The following ASTN1 variants were observed in gnomAD, a reference collection of about 807,000 sequenced individuals.
ASTN1 encodes the protein astrotactin 1.
ASTN1 carries 41 observed loss-of-function variants against 140.7 expected under a neutral mutation model. That is an observed-to-expected ratio of 0.29 (90% CI 0.23 to 0.38). The LOEUF is 0.38. Ranked by LOEUF, ASTN1 falls within the 10% of genes least tolerant of loss-of-function variation. The pLI is 1.00. For missense variants in ASTN1, 1,479 were observed against 1,678.8 expected (o/e 0.88, Z 2.08); for synonymous variants, 640 against 652.2 (o/e 0.98, Z 0.29).
intron 20 of ASTN1, 23 bp from the exon 21 acceptor site, chr1:176,876,660 G>A: frequency 6.2e-7 from 1 of 1,610,394 alleles, no homozygotes; most frequent in South Asian, 1.1e-5. Flanking sequence ...GGGAGGGCAT[G>A]GTTAGCAGAA....
intron 5 of ASTN1, among the ~76,000 whole-genome samples, chr1:177,027,817 T>C (rs4652220): frequency 0.35 from 53,231 of 150,074 alleles, 10,140 homozygotes; most frequent in Non-Finnish European, 0.42. Flanking sequence ...TCTCCTTTTT[T>C]GCCTCCCATT....
Position 177,032,679 on chromosome 1 carries a change from C to G in ASTN1, c.642G>C (p.Arg214=). The G allele has an allele frequency of 1.2e-6, 2 of 1,614,100 alleles. No homozygotes were observed. Among genetic ancestry groups the G allele is most frequent in the Non-Finnish European group, 1.7e-6 (2 of 1,180,030 alleles). The change falls in exon 3 of 23, where the codon CGG becomes CGC. Residue 214 remains arginine (R), a synonymous_variant. Coordinates refer to ENST00000361833, the MANE Select transcript of ASTN1 (RefSeq NM_004319.3). ...IPSVLIGGHG[R]ESLRNARVQG... ...GCACGCGGGCATTGCGCAGGCTCTC[C>G]CGTCCGTGCCCGCCGATCAGCACAG...
intron 7 of ASTN1, among the ~76,000 whole-genome samples, chr1:177,019,135 G>C (rs1558035161): frequency 6.6e-6 from 1 of 152,192 alleles, no homozygotes; most frequent in East Asian, 1.9e-4. Flanking sequence ...TTCTGAGTCA[G>C]GCAGCCTGAG....
intron 8 of ASTN1, among the ~76,000 whole-genome samples, chr1:176,977,073 G>C (rs1450697680): frequency 6.6e-6 from 1 of 152,170 alleles, no homozygotes; most frequent in Non-Finnish European, 1.5e-5. Context: ...AATAATAAGG[G>C]ACAGGATGTA....
At chr1:177,015,133 T>C (rs1188158600) in intron 7 of ASTN1, among the ~76,000 whole-genome samples, 1 of 152,214 alleles carries the variant, frequency 6.6e-6, no homozygotes, top group Non-Finnish European at 1.5e-5. Context: ...GCATCTATTA[T>C]ATATGTTCTG....
At chr1:177,101,909 C>A (rs907904198) in intron 1 of ASTN1, among the ~76,000 whole-genome samples, 8 of 152,202 alleles carry the variant, frequency 5.3e-5, no homozygotes, top group Non-Finnish European at 1.2e-4. Context: ...ATGTCACATT[C>A]TCATGCAGGA....
Position 177,024,487 on chromosome 1 carries a change from T to C in ASTN1, c.1270+96A>G, listed in dbSNP as rs1450493878. 9 of 1,452,732 alleles carry C rather than the reference T, an allele frequency of 6.2e-6. No individual in the cohort carries two copies. In the South Asian group the frequency reaches 1.1e-4, roughly 17 times the overall value. 90.0% of individuals were successfully genotyped at this position (1,452,732 alleles called of 1,614,324 possible). On this transcript the variant is annotated intron_variant, in intron 6 of 22. Transcript: ENST00000361833. ...GTTTGGTTTTCCCCCGGTAGAGTAA[T>C]AGGTAACAGTGACTCCTGTCTTCTC...
chr1:176,874,728 GT>G (rs1182292848), intron 21 of ASTN1, among the ~76,000 whole-genome samples: 3 of 152,060 alleles, frequency 2.0e-5, no homozygotes, highest in African/African-American at 2.4e-5. Context: ...GCACTGGGTG[GT>G]TTTTTTCTAT....
At chr1:177,075,002 C>A (rs1012796453) in intron 1 of ASTN1, among the ~76,000 whole-genome samples, 2 of 152,100 alleles carry the variant, frequency 1.3e-5, no homozygotes, top group Admixed American at 1.3e-4. Flanking sequence ...CGGGTGGTTA[C>A]AAATTAATTT....
At chr1:176,941,254 A>G (rs746872540) in intron 14 of ASTN1, among the ~76,000 whole-genome samples, 1 of 152,210 alleles carries the variant, frequency 6.6e-6, no homozygotes, top group Non-Finnish European at 1.5e-5. Context: ...AGATTCCTCC[A>G]GTTATTCTCA....
chr1:177,092,023 T>C (rs953817913), intron 1 of ASTN1, among the ~76,000 whole-genome samples: 3 of 152,294 alleles, frequency 2.0e-5, no homozygotes, highest in Non-Finnish European at 4.4e-5. Flanking sequence ...GTACCTAAAA[T>C]AAAATGACTG....
chr1:177,028,739 AG>A (rs1484915004), intron 5 of ASTN1, among the ~76,000 whole-genome samples: 1 of 152,232 alleles, frequency 6.6e-6, no homozygotes, highest in East Asian at 1.9e-4. Flanking sequence ...GGGATTTCAT[AG>A]TGCTTTAGCA....
rs1668029328 is a variant in ASTN1 at position 176,863,392 on chromosome 1, C to T, written c.*892G>A. On this transcript the variant is annotated 3_prime_UTR_variant, in exon 23 of 23. Coordinates refer to ENST00000361833, the MANE Select transcript of ASTN1 (RefSeq NM_004319.3). Reference sequence around the variant, plus strand: ...AGAGGTGTGGGGGTTAAAGATAATCCAGGCACATGGATATATATTGGTAGG... The same window carrying T: ...AGAGGTGTGGGGGTTAAAGATAATCTAGGCACATGGATATATATTGGTAGG... 4 of 985,804 alleles carry T rather than the reference C, an allele frequency of 4.1e-6. No homozygotes were observed. The highest frequency in any genetic ancestry group is 4.8e-6 in the Non-Finnish European group (4 of 829,944). The allele number at this position is 985,804 out of a possible 1,614,324, so 61.1% of individuals were successfully genotyped here. A position where few individuals can be genotyped will look rare whatever the true frequency, so the allele number is the denominator to read the frequency against.
At chr1:177,148,778 T>A (rs1285957662) in intron 1 of ASTN1, among the ~76,000 whole-genome samples, 1 of 151,732 alleles carries the variant, frequency 6.6e-6, no homozygotes, top group Non-Finnish European at 1.5e-5. Flanking sequence ...ACTGAGATGA[T>A]GATAGAAGTT....
At chr1:177,146,824 G>A (rs1682740099) in intron 1 of ASTN1, among the ~76,000 whole-genome samples, 1 of 152,114 alleles carries the variant, frequency 6.6e-6, no homozygotes, top group Non-Finnish European at 1.5e-5. Context: ...CTTGTCAGTT[G>A]TTCTTTCAAG....
chr1:177,080,259 CAAAA>C (rs11300384), intron 1 of ASTN1, among the ~76,000 whole-genome samples: 5 of 48,410 alleles, frequency 1.0e-4, no homozygotes, highest in East Asian at 7.6e-4. Context: ...ATCACCAGGC[CAAAA>C]AAAAAAAAAA....
intron 1 of ASTN1, among the ~76,000 whole-genome samples, chr1:177,131,350 A>C (rs1165804033): frequency 1.3e-5 from 2 of 151,030 alleles, no homozygotes; most frequent in African/African-American, 2.4e-5. Flanking sequence ...GTATAATTGC[A>C]AAAAAAAAGT....
At chr1:176,875,231 C>T (rs1000635098) in intron 21 of ASTN1, among the ~76,000 whole-genome samples, 3 of 152,048 alleles carry the variant, frequency 2.0e-5, no homozygotes, top group African/African-American at 7.3e-5. Flanking sequence ...GCAAAGGCCT[C>T]ATGGTAGAAT....
chr1:177,062,504 C>T (rs1466208542), intron 1 of ASTN1, among the ~76,000 whole-genome samples: 1 of 150,378 alleles, frequency 6.6e-6, no homozygotes, highest in African/African-American at 2.4e-5. Context: ...CCTGGCCTCC[C>T]AAAATGTTGG....
Sources: allele counts gnomAD v4.1 joint callset (sites outside exome capture counted in the v4.1 genomes callset), GRCh38; gene constraint gnomAD v4.1.1; transcripts MANE v1.5; gene names NCBI Gene and HGNC (gene_info 2026-07-23, HGNC 2026-07-21).